Variants in C5 observed in about 807,000 individuals in gnomAD.
C5 encodes the protein C3 and PZP-like alpha-2-macroglobulin domain-containing protein 4.
A neutral mutation model predicts 218.8 loss-of-function variants in C5; 140 were observed. The ratio of observed to expected loss-of-function variants is 0.64; its 90% CI spans 0.56 to 0.74. C5 has a LOEUF of 0.74. Ranked by LOEUF, C5 falls within the 30% of genes least tolerant of loss-of-function variation. C5 has a pLI of 0.00. For synonymous variants in C5, 614 were observed against 682.3 expected, an observed-to-expected ratio of 0.90 and a Z score of 1.56; for missense variants, 1,700 against 1,969.6, an observed-to-expected ratio of 0.86 and a Z score of 2.59.
At chr9:121,040,821 C>T (rs574703682) in intron 3 of C5, among the ~76,000 whole-genome samples, 2 of 152,314 alleles carry the variant, frequency 1.3e-5, no homozygotes, top group East Asian at 3.9e-4. Flanking sequence ...GACAATCTGA[C>T]TCCAGAGTCT....
intron 22 of C5, among the ~76,000 whole-genome samples, chr9:120,991,640 A>G (rs1329297712): frequency 6.6e-6 from 1 of 152,228 alleles, no homozygotes; most frequent in African/African-American, 2.4e-5. Flanking sequence ...TTCTTAATCA[A>G]CTATATATTG....
chr9:120,983,695 T>G (rs77394779), intron 25 of C5, among the ~76,000 whole-genome samples: 321 of 152,012 alleles, frequency 2.1e-3, no homozygotes, highest in African/African-American at 7.5e-3. Flanking sequence ...ACCTATAGTC[T>G]CAGCTACTTG....
intron 39 of C5, among the ~76,000 whole-genome samples, chr9:120,954,290 C>T (rs756646068): frequency 8.5e-5 from 13 of 152,152 alleles, no homozygotes; most frequent in African/African-American, 1.9e-4. Flanking sequence ...CATTAATCTC[C>T]ACATTATATA....
rs554400650 is a variant in C5, at chr9:121,015,098, C to T, written c.2059+101G>A. 7.3e-4 allele frequency: 552 copies of T among 759,848 alleles called. 2 individuals are homozygous for T. Among genetic ancestry groups the T allele is most frequent in the Non-Finnish European group, 1.1e-3 (475 of 441,704 alleles). The allele number at this position is 759,848 out of a possible 1,614,324, so 47.1% of individuals were successfully genotyped here. ...CTCCATACATATCTTTCTTTTCATT[C>T]ATTTTATTTCAATTAGGGGAATTTA... On this transcript the variant is annotated intron_variant, in intron 16 of 40. Coordinates refer to ENST00000223642, the MANE Select transcript of C5 (RefSeq NM_001735.3).
At chr9:120,976,605 C>T (rs1270344251) in intron 29 of C5, 95 bp downstream of exon 29, 7 of 969,236 alleles carry the variant, frequency 7.2e-6, no homozygotes, top group Non-Finnish European at 1.2e-5. Flanking sequence ...ATTGCATGCT[C>T]ATTTGGTGGA....
At chr9:120,982,009 C>G in intron 26 of C5, 70 bp from the exon 27 acceptor site, 1 of 1,041,814 alleles carries the variant, frequency 9.6e-7, no homozygotes, top group Non-Finnish European at 1.5e-6. Context: ...TGATTCTACT[C>G]TGTTTTTTGT....
chr9:121,015,513 C>T (rs2047299773), intron 15 of C5, among the ~76,000 whole-genome samples: 1 of 152,128 alleles, frequency 6.6e-6, no homozygotes, highest in African/African-American at 2.4e-5. Flanking sequence ...ATCCTGCAGC[C>T]TCTCTGATCC....
chr9:121,069,471 G>A, the C5 span, among the ~76,000 whole-genome samples: 1 of 151,974 alleles, frequency 6.6e-6, no homozygotes, highest in Non-Finnish European at 1.5e-5. Context: ...AGTTAGGATG[G>A]CTATTATCAA....
In C5 at chr9:120,989,354, A is replaced by C. The variant is rs573692384; in HGVS notation, c.3154+214T>G. On this transcript the variant is annotated intron_variant, in intron 24 of 40. Coordinates refer to ENST00000223642, the MANE Select transcript of C5 (RefSeq NM_001735.3). ...AGGAAGGAAGTGTTCTGTAGTTTGG[A>C]ATGCAGGTGCCTTGCCTCTCATTCA... Among the ~76,000 whole-genome samples, 292 of 152,302 alleles carry C rather than the reference A, an allele frequency of 1.9e-3. 2 individuals are homozygous for C. Among genetic ancestry groups the C allele is most frequent in the African/African-American group, 6.9e-3 (285 of 41,572 alleles).
At chr9:121,020,430 C>T (rs1424832243) in intron 11 of C5, among the ~76,000 whole-genome samples, 1 of 152,156 alleles carries the variant, frequency 6.6e-6, no homozygotes, top group Non-Finnish European at 1.5e-5. Flanking sequence ...GAGAAAGATG[C>T]TCCAGGAATA....
chr9:121,027,305 T>C (rs1462008544), intron 7 of C5, 31 bp from the exon 8 acceptor site: 1 of 1,003,612 alleles, frequency 1.0e-6, no homozygotes, highest in South Asian at 1.3e-5. Flanking sequence ...ACTGTTTTAC[T>C]AACATGGTTA....
chr9:121,063,009 G>A, the C5 span, among the ~76,000 whole-genome samples: 1 of 151,850 alleles, frequency 6.6e-6, no homozygotes, highest in Non-Finnish European at 1.5e-5. Context: ...GTGGATTAAT[G>A]TGTCTCATCA....
At chr9:120,974,630 G>A in intron 30 of C5, 149 bp downstream of exon 30, 1 of 763,040 alleles carries the variant, frequency 1.3e-6, no homozygotes, top group Non-Finnish European at 2.3e-6. Context: ...TCAGTGCCCA[G>A]GATATAGCAG....
At chr9:121,070,384 G>GATATATATATATAT in the C5 span, among the ~76,000 whole-genome samples, 29 of 72,876 alleles carry the variant, frequency 4.0e-4, no homozygotes, top group Non-Finnish European at 5.7e-4. Context: ...AAGGAAGGGT[G>GATATATATATATAT]ATATATATAT....
chr9:121,037,113 T>C (rs902571147), intron 4 of C5, among the ~76,000 whole-genome samples: 4 of 152,024 alleles, frequency 2.6e-5, no homozygotes, highest in African/African-American at 4.8e-5. Context: ...CTTTAACTCA[T>C]GATTTAGCAA....
In C5 at chr9:121,046,223, C is replaced by A; in HGVS notation, c.226G>T (p.Glu76Ter). 6.2e-7 allele frequency: 1 copy of A among 1,601,778 alleles called. No individual in the cohort carries two copies. Among genetic ancestry groups the A allele is most frequent in the Non-Finnish European group, 8.5e-7 (1 of 1,170,588 alleles). The change falls in exon 2 of 41, where the codon GAG (glutamate) becomes TAG (stop). Residue 76 changes from glutamate to a stop codon, truncating the protein, a stop_gained. Transcript: ENST00000223642. LOFTEE classifies it high-confidence loss of function. The stretch of plus-strand genomic sequence containing the variant: ...ATTGCAGAGTTTTGGAATTTATTCT[C>A]TGAGGATAAATGAACATGGCCTGAG... ...YSSGHVHLSS[E>*]NKFQNSAILT... is the part of the protein sequence containing the mutation.
At position 121,006,036 on chromosome 9, in the gene C5, G is replaced by A. The variant is rs376229247; in HGVS notation, c.2445C>T (p.Val815=). The A allele has an allele frequency of 6.2e-7, 1 of 1,613,662 alleles. No individual in the cohort carries two copies. The highest frequency in any genetic ancestry group is 8.5e-7 in the Non-Finnish European group (1 of 1,179,766). The change falls in exon 20 of 41, where the codon GTC becomes GTT. Residue 815 remains valine, a synonymous_variant. Transcript: ENST00000223642. ...AGACATCTTTGAACACCTTTGCCTT[G>A]ACAGTATCAGCAACACATATACCTT... ...SNTGICVADT[V]KAKVFKDVFL... is the part of the protein sequence containing the mutation.
At chr9:121,021,810 T>A (rs2047368489) in intron 10 of C5, 116 bp from the exon 11 acceptor site, 2 of 1,050,072 alleles carry the variant, frequency 1.9e-6, no homozygotes, top group African/African-American at 3.2e-5. Context: ...TGTATTTTTT[T>A]CTGAAAATTT....
At chr9:121,049,772 TACA>T (rs1057174366) in intron 1 of C5, among the ~76,000 whole-genome samples, 1 of 152,186 alleles carries the variant, frequency 6.6e-6, no homozygotes, top group Non-Finnish European at 1.5e-5. Context: ...TAGAAGTCAC[TACA>T]ACAACAGATT....
Sources: allele counts gnomAD v4.1 joint callset (sites outside exome capture counted in the v4.1 genomes callset), GRCh38; gene constraint gnomAD v4.1.1; transcripts MANE v1.5; gene names NCBI Gene and HGNC (gene_info 2026-07-23, HGNC 2026-07-21).